FERMT1: variants seen among roughly 807,000 people sequenced by gnomAD.
The protein encoded by FERMT1 is FERM domain containing kindlin 1.
Under a neutral mutation model 85.3 loss-of-function variants are expected in FERMT1, and 60 were observed. That is an observed-to-expected ratio of 0.70 (90% CI 0.57 to 0.87). FERMT1 has a LOEUF of 0.87. Ranked by LOEUF, FERMT1 falls within the 40% of genes least tolerant of loss-of-function variation. FERMT1 has a pLI of 0.00. For synonymous variants in FERMT1, 275 were observed against 301.1 expected (o/e 0.91, Z 0.90); for missense variants, 701 against 818.9 (o/e 0.86, Z 1.76).
In FERMT1 at chr20:6,076,443, G is replaced by A. The variant is rs370906888; in HGVS notation, c.*730C>T. On this transcript the variant is annotated 3_prime_UTR_variant, in exon 15 of 15. Coordinates refer to ENST00000217289, the MANE Select transcript of FERMT1 (RefSeq NM_017671.5). ...CCCACATCTTCACAAAGGACTTACA[G>A]GTGGCTGAGAGATCTGTAGGAATGG... 21 of 518,170 alleles carry A rather than the reference G, an allele frequency of 4.1e-5. No individual in the cohort carries two copies. Among genetic ancestry groups the A allele is most frequent in the East Asian group, 3.8e-4 (7 of 18,358 alleles). 32.1% of individuals were successfully genotyped at this position (518,170 alleles called of 1,614,324 possible).
Position 6,076,610 on chromosome 20 carries a change from C to G in FERMT1, c.*563G>C. ...TCTGACCTTGGGTTGTCAACTGCTA[C>G]CTGGTAGCCCCACCCCTCCCCTTTC... On this transcript the variant is annotated 3_prime_UTR_variant, in exon 15 of 15. Transcript: ENST00000217289. 2.5e-6 allele frequency: 1 copy of G among 394,006 alleles called. No individual in the cohort carries two copies. 24.4% of individuals were successfully genotyped at this position (394,006 alleles called of 1,614,324 possible). A position where few individuals can be genotyped will look rare whatever the true frequency, so the allele number is the denominator to read the frequency against.
Position 6,076,658 on chromosome 20 carries a change from G to C in FERMT1, c.*515C>G. On this transcript the variant is annotated 3_prime_UTR_variant, in exon 15 of 15. Transcript: ENST00000217289. ...TTCTACCCCTAGACCTTGGCCTCCA[G>C]GGAAAAAGTGTGTGTAGGAACTCCC... 3.0e-6 allele frequency: 1 copy of C among 336,990 alleles called. No homozygotes were observed. The highest frequency in any genetic ancestry group is 2.4e-5 in the South Asian group (1 of 42,464). 20.9% of individuals were successfully genotyped at this position (336,990 alleles called of 1,614,324 possible).
At chr20:6,115,085 T>C (rs1386456947) in intron 3 of FERMT1, among the ~76,000 whole-genome samples, 2 of 152,200 alleles carry the variant, frequency 1.3e-5, no homozygotes, top group African/African-American at 2.4e-5. Flanking sequence ...GAAAAATAGA[T>C]TACTCACTAT....
At chr20:6,112,401 G>A (rs1568664409) in intron 4 of FERMT1, 76 bp downstream of exon 4, 4 of 1,381,490 alleles carry the variant, frequency 2.9e-6, no homozygotes, top group South Asian at 2.3e-5. Context: ...GTTTGGTGGG[G>A]GTGGGAGGAG....
rs1983207712 is a variant in FERMT1 at position 6,119,522 on chromosome 20, G to A, written c.33C>T (p.Ser11=). 2.5e-6 allele frequency: 4 copies of A among 1,614,062 alleles called. No homozygotes were observed. The East Asian group carries it at 8.9e-5, about 36-fold the overall frequency. Residue 11 remains serine (S), a synonymous_variant, in exon 2 of 15, where the codon TCC becomes TCT. Transcript: ENST00000217289. ...GGTCAACGCGGACCACAAGCTCCCA[G>A]GAAGCAAATGTAAAGTCAGTGGATG... MLSSTDFTFA[S]WELVVRVDHP... is the part of the protein sequence containing the mutation.
chr20:6,109,902 C>CAAAAA (rs11436082), intron 5 of FERMT1, among the ~76,000 whole-genome samples: 1 of 123,602 alleles, frequency 8.1e-6, no homozygotes, highest in East Asian at 2.3e-4. Flanking sequence ...AACTCCATCT[C>CAAAAA]AAAAAAAAAA....
At position 6,114,081 on chromosome 20, in the gene FERMT1, C is replaced by A. The variant is rs146775317; in HGVS notation, c.386-1458G>T. ...CACTGATTCCATTAAGTTCTCTCAT[C>A]ATTTCGTTCATATACTGCTCAGTGT... is the stretch of plus-strand genomic sequence containing the variant. On this transcript the variant is annotated intron_variant, in intron 3 of 14. Transcript: ENST00000217289. Among the ~76,000 whole-genome samples the A allele has an allele frequency of 1.8e-4, 28 of 152,312 alleles. No individual in the cohort carries two copies. The East Asian group carries it at 5.2e-3, about 28-fold the overall frequency.
At chr20:6,100,883 G>A (rs1409220741) in intron 6 of FERMT1, among the ~76,000 whole-genome samples, 1 of 152,062 alleles carries the variant, frequency 6.6e-6, no homozygotes, top group African/African-American at 2.4e-5. Context: ...AAAAAAGTTT[G>A]TAATAAATAT....
rs1982915560 is a variant in FERMT1, at chr20:6,110,435, C to A, written c.609G>T (p.Met203Ile). 1 of 1,613,960 alleles carries A rather than the reference C, an allele frequency of 6.2e-7. No individual in the cohort carries two copies. Among genetic ancestry groups the A allele is most frequent in the Non-Finnish European group, 8.5e-7 (1 of 1,180,026 alleles). ...PINGTPASST[M>I]TWFSDSPLTE... ...TCAAAGGGCTGTCACTGAACCAAGT[C>A]ATGGTGGATGATGCTGGTGTTCCAT... The change falls in exon 5 of 15, where the codon ATG becomes ATT. Residue 203 changes from methionine (M) to isoleucine (I), a missense_variant. Physicochemically the swap from Met to Ile is conservative, Grantham distance 10. Coordinates refer to ENST00000217289, the MANE Select transcript of FERMT1 (RefSeq NM_017671.5).
chr20:6,085,228 CA>C lies in FERMT1; in HGVS notation c.1430del (p.Met477ArgfsTer17), dbSNP rs1382952481. ...CCTCTGGCTGGTAGGAGCTGTCTGCCATGGTTTTGCCCTTCGATGCCAACAT... is the reference window on the plus strand; with the variant it reads ...CCTCTGGCTGGTAGGAGCTGTCTGCCTGGTTTTGCCCTTCGATGCCAACAT... Reference protein sequence around the residue: ...ACMLASKGKTMADSSYQPEVL... With the variant: ...ACMLASKGKTXADSSYQPEVL... On this transcript the variant is annotated frameshift_variant, in exon 12 of 15. Coordinates refer to ENST00000217289, the MANE Select transcript of FERMT1 (RefSeq NM_017671.5). LOFTEE classifies it high-confidence loss of function. 2 of 1,614,038 alleles carry C rather than the reference CA, an allele frequency of 1.2e-6. No individual in the cohort carries two copies. The highest frequency in any genetic ancestry group is 1.7e-6 in the Non-Finnish European group (2 of 1,180,052).
In FERMT1 at chr20:6,104,673, T is replaced by A. The variant is rs1052841504; in HGVS notation, c.849+2859A>T. Among the ~76,000 whole-genome samples, 3 of 152,168 alleles carry A rather than the reference T, an allele frequency of 2.0e-5. No homozygotes were observed. Among genetic ancestry groups the A allele is most frequent in the African/African-American group, 7.2e-5 (3 of 41,434 alleles). On this transcript the variant is annotated intron_variant, in intron 6 of 14. Transcript: ENST00000217289. This position sits in a 1 kb window ranked among gnomAD's most constrained non-coding sequence, Gnocchi z 4.2. ...CTATGAAGAGGGAGCTCCTCACCAATTAAGCGGGCAGAGGCTGGAGGCCAA... is the reference window on the plus strand; with the variant it reads ...CTATGAAGAGGGAGCTCCTCACCAAATAAGCGGGCAGAGGCTGGAGGCCAA...
At chr20:6,088,197 A>G (rs866386459) in intron 10 of FERMT1, among the ~76,000 whole-genome samples, 1 of 152,232 alleles carries the variant, frequency 6.6e-6, no homozygotes, top group African/African-American at 2.4e-5. Flanking sequence ...AAATCAAAGC[A>G]GAAGGAATTC....
intron 13 of FERMT1, among the ~76,000 whole-genome samples, chr20:6,082,380 T>C (rs1280880127): frequency 6.6e-6 from 1 of 152,180 alleles, no homozygotes; most frequent in East Asian, 1.9e-4. Context: ...GTCACAGAGC[T>C]AGCAGAGGCA....
intron 11 of FERMT1, 159 bp downstream of exon 11, chr20:6,087,618 T>A: frequency 1.5e-6 from 1 of 685,072 alleles, no homozygotes; most frequent in South Asian, 1.5e-5. Flanking sequence ...AAATGTTTAT[T>A]GTTAGAATGT....
intron 12 of FERMT1, among the ~76,000 whole-genome samples, chr20:6,084,446 A>G (rs774875082): frequency 1.3e-5 from 2 of 152,190 alleles, no homozygotes; most frequent in African/African-American, 2.4e-5. Context: ...TCCACAGACA[A>G]TGATTCTACA....
At chr20:6,115,258 G>A (rs1600449091) in intron 3 of FERMT1, among the ~76,000 whole-genome samples, 1 of 152,144 alleles carries the variant, frequency 6.6e-6, no homozygotes, top group Admixed American at 6.5e-5. Flanking sequence ...TTTGGGTAGT[G>A]TTGTCTTTAC....
chr20:6,094,923 A>G lies in FERMT1; in HGVS notation c.1139+16T>C, dbSNP rs750445504. 7.3e-7 allele frequency: 1 copy of G among 1,377,132 alleles called. No homozygotes were observed. Among genetic ancestry groups the G allele is most frequent in the East Asian group, 2.3e-5 (1 of 43,778 alleles). 85.3% of individuals were successfully genotyped at this position (1,377,132 alleles called of 1,614,324 possible). A position where few individuals can be genotyped will look rare whatever the true frequency, so the allele number is the denominator to read the frequency against. On this transcript the variant is annotated intron_variant, in intron 9 of 14. Coordinates refer to ENST00000217289, the MANE Select transcript of FERMT1 (RefSeq NM_017671.5). ...TTGTTATGAGTAACTCCTTTTCCCCATAAAAGTTTACTTACCTAAATAATT... is the reference window on the plus strand; with the variant it reads ...TTGTTATGAGTAACTCCTTTTCCCCGTAAAAGTTTACTTACCTAAATAATT...
intron 6 of FERMT1, among the ~76,000 whole-genome samples, chr20:6,100,553 T>C (rs1982635218): frequency 1.3e-5 from 2 of 152,208 alleles, no homozygotes; most frequent in African/African-American, 4.8e-5. Context: ...ACTCTGAATA[T>C]ACTAAAAACC....
At chr20:6,088,906 G>C (rs1229710655) in intron 10 of FERMT1, 59 bp downstream of exon 10, 1 of 1,562,766 alleles carries the variant, frequency 6.4e-7, no homozygotes, top group East Asian at 2.3e-5. Context: ...TTACAGGTTT[G>C]AGCCACCGCG....
Sources: allele counts gnomAD v4.1 joint callset (sites outside exome capture counted in the v4.1 genomes callset), GRCh38; gene constraint gnomAD v4.1.1; non-coding constraint Gnocchi (gnomAD v3.1); transcripts MANE v1.5; gene names NCBI Gene and HGNC (gene_info 2026-07-23, HGNC 2026-07-21).